The following SLC24A2 variants were observed in gnomAD, a reference collection of about 807,000 sequenced individuals.
SLC24A2 encodes the protein solute carrier family 24 member 2, also known as sodium/potassium/calcium exchanger 2.
A neutral mutation model predicts 62.0 loss-of-function variants in SLC24A2; 36 were observed. The ratio of observed to expected loss-of-function variants is 0.58; its 90% CI spans 0.44 to 0.77. SLC24A2 has a LOEUF of 0.77. Among genes scored for constraint, SLC24A2 ranks in the 30% least tolerant of loss-of-function variants. The probability of loss-of-function intolerance (pLI) is 0.00; values close to 1 mark genes in which losing one functional copy is unlikely to be tolerated. For synonymous variants in SLC24A2, 358 were observed against 294.0 expected (o/e 1.22, Z -2.23); for missense variants, 846 against 817.9 (o/e 1.03, Z -0.42).
chr9:19,924,087 C>G, the SLC24A2 span, among the ~76,000 whole-genome samples: 1 of 152,206 alleles, frequency 6.6e-6, no homozygotes, highest in Non-Finnish European at 1.5e-5. Flanking sequence ...ACTGTGTTCA[C>G]TCCGTTATGC....
chr9:19,995,724 T>C, the SLC24A2 span, among the ~76,000 whole-genome samples: 1 of 152,224 alleles, frequency 6.6e-6, no homozygotes, highest in Non-Finnish European at 1.5e-5. Flanking sequence ...AGCTAGTTAG[T>C]TCAAGATCAT....
the SLC24A2 span, among the ~76,000 whole-genome samples, chr9:20,277,565 A>G: frequency 6.6e-6 from 1 of 152,094 alleles, no homozygotes; most frequent in Non-Finnish European, 1.5e-5. Context: ...TAGAATGGCA[A>G]TCATTAAAAA....
the SLC24A2 span, among the ~76,000 whole-genome samples, chr9:19,860,755 G>A: frequency 6.6e-6 from 1 of 152,030 alleles, no homozygotes; most frequent in African/African-American, 2.4e-5. Flanking sequence ...TTCATGACAA[G>A]CTAACTGAAG....
intron 2 of SLC24A2, among the ~76,000 whole-genome samples, chr9:19,784,235 G>T (rs918356105): frequency 6.6e-6 from 1 of 152,110 alleles, no homozygotes; most frequent in African/African-American, 2.4e-5. Flanking sequence ...TTTCTAAAAC[G>T]CATGAAAGCA....
chr9:19,619,480 C>T, intron 4 of SLC24A2, 104 bp downstream of exon 4: 1 of 901,530 alleles, frequency 1.1e-6, no homozygotes, highest in Non-Finnish European at 1.9e-6. Flanking sequence ...CAAGAGGAGG[C>T]TGGCAGGCGT....
At chr9:20,194,834 AACACACACAGACAG>A in the SLC24A2 span, among the ~76,000 whole-genome samples, 1 of 151,962 alleles carries the variant, frequency 6.6e-6, no homozygotes, top group African/African-American at 2.4e-5. Context: ...CATTTTAGGA[AACACACACAGACAG>A]ACACACACAC....
At chr9:20,071,768 G>A in the SLC24A2 span, among the ~76,000 whole-genome samples, 7 of 152,168 alleles carry the variant, frequency 4.6e-5, no homozygotes, top group East Asian at 1.9e-4. Context: ...CTGTGGACAC[G>A]CAGCTGGTGT....
chr9:20,074,555 C>CAGGAAGGAAGGAAGGAAGGAAGGAAGGA, the SLC24A2 span, among the ~76,000 whole-genome samples: 21 of 87,354 alleles, frequency 2.4e-4, no homozygotes, highest in African/African-American at 1.1e-3. Context: ...GAGAAGAAGG[C>CAGGAAGGAAGGAAGGAAGGAAGGAAGGA]AGGAAGGAAG....
At chr9:20,111,320 G>C in the SLC24A2 span, among the ~76,000 whole-genome samples, 1 of 152,256 alleles carries the variant, frequency 6.6e-6, no homozygotes, top group South Asian at 2.1e-4. Flanking sequence ...CCCAGGCTTT[G>C]CTGTCAGTCC....
At chr9:19,935,851 C>G in the SLC24A2 span, among the ~76,000 whole-genome samples, 1 of 152,114 alleles carries the variant, frequency 6.6e-6, no homozygotes, top group African/African-American at 2.4e-5. Context: ...TGAAGTCAAC[C>G]CAATCCATTA....
Position 19,576,746 on chromosome 9 carries a change from C to T in SLC24A2, c.1228+178G>A, listed in dbSNP as rs548238425. On this transcript the variant is annotated intron_variant, in intron 6 of 10. Transcript: ENST00000341998. ...AGAGTTACTGGTGACATACTGTGTC[C>T]ATGCATACCCTGTACACACTAGGGC... Among the ~76,000 whole-genome samples, 10 of 152,262 alleles carry T rather than the reference C, an allele frequency of 6.6e-5. No homozygotes were observed. The South Asian group carries it at 2.1e-3, about 32-fold the overall frequency.
the SLC24A2 span, among the ~76,000 whole-genome samples, chr9:19,846,591 A>T: frequency 6.6e-6 from 1 of 152,166 alleles, no homozygotes; most frequent in Non-Finnish European, 1.5e-5. Flanking sequence ...ATTTACATTC[A>T]AAGTTAATAT....
the SLC24A2 span, among the ~76,000 whole-genome samples, chr9:19,988,853 C>T: frequency 1.4e-4 from 22 of 152,128 alleles, no homozygotes; most frequent in Admixed American, 1.4e-3. Flanking sequence ...CTAAGGAAAA[C>T]CTCCTAGGAG....
chr9:20,040,510 G>A, the SLC24A2 span, among the ~76,000 whole-genome samples: 2 of 152,172 alleles, frequency 1.3e-5, no homozygotes, highest in African/African-American at 4.8e-5. Flanking sequence ...CTATCCCAAT[G>A]TGCGTCACCC....
chr9:19,777,726 C>T (rs1822886260), intron 2 of SLC24A2, among the ~76,000 whole-genome samples: 1 of 151,892 alleles, frequency 6.6e-6, no homozygotes, highest in Non-Finnish European at 1.5e-5. Flanking sequence ...TGTACATATG[C>T]ATGTGTATAT....
chr9:20,216,517 T>G, the SLC24A2 span, among the ~76,000 whole-genome samples: 1 of 152,168 alleles, frequency 6.6e-6, no homozygotes, highest in African/African-American at 2.4e-5. Context: ...ATGTTTCTGT[T>G]AAAGTGTCAA....
chr9:19,540,649 C>A (rs1834205696), intron 8 of SLC24A2, among the ~76,000 whole-genome samples: 1 of 145,130 alleles, frequency 6.9e-6, no homozygotes, highest in African/African-American at 2.7e-5. Flanking sequence ...TTTTTTCCTT[C>A]ATTTCAACTT....
intron 2 of SLC24A2, among the ~76,000 whole-genome samples, chr9:19,677,917 C>T (rs1272195937): frequency 1.3e-5 from 2 of 151,684 alleles, no homozygotes; most frequent in Admixed American, 1.3e-4. Context: ...AATATAAACA[C>T]ACACACACAA....
the SLC24A2 span, among the ~76,000 whole-genome samples, chr9:20,078,621 C>T: frequency 2.0e-5 from 3 of 152,312 alleles, no homozygotes; most frequent in South Asian, 2.1e-4. Flanking sequence ...CTTCCAGAAC[C>T]ATTCCACCCA....
Sources: allele counts gnomAD v4.1 joint callset (sites outside exome capture counted in the v4.1 genomes callset), GRCh38; gene constraint gnomAD v4.1.1; transcripts MANE v1.5; gene names NCBI Gene and HGNC (gene_info 2026-07-23, HGNC 2026-07-21).